The following DBF4B variants were observed in gnomAD, a reference collection of about 807,000 sequenced individuals.
DBF4B encodes DBF4B-CDC7 kinase regulatory subunit.
A neutral mutation model predicts 53.4 loss-of-function variants in DBF4B; 49 were observed. The observed-to-expected ratio is 0.92, with a 90% CI of 0.73 to 1.16. The LOEUF (loss-of-function observed/expected upper bound fraction) is 1.16. Among genes scored for constraint, DBF4B ranks in the 50% most tolerant of loss-of-function variants. The probability of loss-of-function intolerance (pLI) is 0.00; values close to 1 mark genes in which losing one functional copy is unlikely to be tolerated. For synonymous variants in DBF4B, 257 were observed against 288.7 expected (o/e 0.89, Z 1.11); for missense variants, 692 against 775.0 (o/e 0.89, Z 1.27).
intron 3 of DBF4B, among the ~76,000 whole-genome samples, chr17:44,729,683 TACACACACACACACACACAC>T (rs71361592): frequency 1.8e-4 from 25 of 138,256 alleles, no homozygotes; most frequent in South Asian, 7.0e-4. Flanking sequence ...GTAATACACA[TACACACACACACACACACAC>T]ACACACACAC....
In DBF4B at chr17:44,741,376, G is replaced by C. The variant is rs1976005145; in HGVS notation, c.754G>C (p.Glu252Gln). The change falls in exon 10 of 14, where the codon GAA becomes CAA. Residue 252 changes from glutamate (E) to glutamine (Q), a missense_variant. By Grantham distance (29) the Glu-to-Gln change is conservative (BLOSUM62 2). Transcript: ENST00000315005. ...PFHHQFKSFPEISFLGPKDAS... is the reference protein window; with the variant it reads ...PFHHQFKSFPQISFLGPKDAS... Reference sequence around the variant, plus strand: ...CCATCATCAGTTTAAATCCTTTCCTGAAATTTCTTTTCTTGGACCCAAAGA... The same window carrying C: ...CCATCATCAGTTTAAATCCTTTCCTCAAATTTCTTTTCTTGGACCCAAAGA... The C allele has an allele frequency of 6.2e-7, 1 of 1,613,496 alleles. No homozygotes were observed. Among genetic ancestry groups the C allele is most frequent in the African/African-American group, 1.3e-5 (1 of 74,900 alleles).
chr17:44,716,112 C>A (rs1973319297), intron 2 of DBF4B, among the ~76,000 whole-genome samples: 1 of 152,032 alleles, frequency 6.6e-6, no homozygotes, highest in Non-Finnish European at 1.5e-5. Context: ...ACGTGAGCCA[C>A]CACACCCAGT....
intron 7 of DBF4B, among the ~76,000 whole-genome samples, chr17:44,734,504 T>A (rs1025629467): frequency 4.6e-5 from 7 of 152,200 alleles, no homozygotes; most frequent in African/African-American, 1.7e-4. Flanking sequence ...TCTGGAACTT[T>A]CCCTGTACAG....
chr17:44,713,930 T>G (rs1423509607), intron 2 of DBF4B, among the ~76,000 whole-genome samples: 1 of 151,534 alleles, frequency 6.6e-6, no homozygotes, highest in Non-Finnish European at 1.5e-5. Flanking sequence ...TTTGCCTCTT[T>G]CCTGTGTTGG....
chr17:44,751,029 G>A lies in DBF4B; in HGVS notation c.1624G>A (p.Gly542Arg). The change falls in exon 14 of 14, where the codon GGA becomes AGA. Residue 542 changes from glycine to arginine, a missense_variant. This residue lies in a region of DBF4B where 597 missense variants were observed against 665.8 expected (regional missense o/e 0.90). Coordinates refer to ENST00000315005, the MANE Select transcript of DBF4B (RefSeq NM_145663.3). The part of the protein sequence containing the change: ...EVSPCPCLRL[G>R]YLYLLLTQSL... ...TTCCCCTTGCCCCTGTCTCAGACTT[G>A]GATACCTTTACCTGCTGCTCACACA... The A allele has an allele frequency of 6.2e-7, 1 of 1,614,034 alleles. No homozygotes were observed. The highest frequency in any genetic ancestry group is 8.5e-7 in the Non-Finnish European group (1 of 1,179,978).
chr17:44,743,847 A>G (rs1168940781), intron 10 of DBF4B, among the ~76,000 whole-genome samples: 1 of 151,374 alleles, frequency 6.6e-6, no homozygotes, highest in African/African-American at 2.4e-5. Flanking sequence ...TGACCTCGTG[A>G]TCCACCCACC....
At position 44,751,650 on chromosome 17, in the gene DBF4B, G is replaced by A; in HGVS notation, c.*397G>A. The A allele has an allele frequency of 7.2e-7, 1 of 1,384,144 alleles. No individual in the cohort carries two copies. The highest frequency in any genetic ancestry group is 9.3e-7 in the Non-Finnish European group (1 of 1,069,852). 85.7% of individuals were successfully genotyped at this position (1,384,144 alleles called of 1,614,324 possible). ...AGTAAATCGACTTCAAATACTTGAA[G>A]GCTCCCACCTTCTGTTCTCTGGCTC... On this transcript the variant is annotated 3_prime_UTR_variant, in exon 14 of 14. Transcript: ENST00000315005.
At chr17:44,750,360 T>C in intron 13 of DBF4B, 1 of 1,346,606 alleles carries the variant, frequency 7.4e-7, no homozygotes, top group Non-Finnish European at 9.5e-7. Flanking sequence ...CCTGATGCTA[T>C]TCTGTGTCTC....
intron 6 of DBF4B, among the ~76,000 whole-genome samples, chr17:44,733,203 T>C (rs943058838): frequency 6.6e-6 from 1 of 151,998 alleles, no homozygotes; most frequent in Admixed American, 6.6e-5. Context: ...CTAACAGGTA[T>C]TGACTCTGTG....
intron 6 of DBF4B, among the ~76,000 whole-genome samples, chr17:44,733,219 A>C (rs940227416): frequency 6.6e-6 from 1 of 152,102 alleles, no homozygotes; most frequent in African/African-American, 2.4e-5. Flanking sequence ...CTGTGCTACG[A>C]ATTACCTCAT....
At chr17:44,726,725 C>G (rs936100546) in intron 3 of DBF4B, among the ~76,000 whole-genome samples, 3 of 152,104 alleles carry the variant, frequency 2.0e-5, no homozygotes, top group African/African-American at 7.2e-5. Context: ...CATTTAGACT[C>G]TTAATAATTT....
At chr17:44,732,424 A>G in intron 6 of DBF4B, 159 bp downstream of exon 6, 1 of 811,762 alleles carries the variant, frequency 1.2e-6, no homozygotes. Flanking sequence ...GATGTGGGGA[A>G]GGGGGAAAGC....
chr17:44,732,123 A>C lies in DBF4B; in HGVS notation c.469-55A>C. 8.9e-6 allele frequency: 14 copies of C among 1,579,658 alleles called. 1 individual carries two copies. In the South Asian group the frequency reaches 1.5e-4, roughly 17 times the overall value. ...GAAGCAATTTCTATCTGTCCCCTTC[A>C]CTTTCAGGCCTTGGGGAGTCTCTGC... On this transcript the variant is annotated intron_variant, in intron 5 of 13. Transcript: ENST00000315005.
intron 2 of DBF4B, 109 bp from the exon 3 acceptor site, chr17:44,722,771 G>A (rs576267577): frequency 3.2e-6 from 4 of 1,263,464 alleles, no homozygotes; most frequent in Non-Finnish European, 4.4e-6. Context: ...TGTGCCCAGG[G>A]TCTAGTCTGT....
At chr17:44,748,546 A>C in intron 13 of DBF4B, 81 bp downstream of exon 13, 1 of 1,593,970 alleles carries the variant, frequency 6.3e-7, no homozygotes, top group Non-Finnish European at 8.6e-7. Flanking sequence ...ACCTGGACCT[A>C]TAGCAAGCTG....
In DBF4B at chr17:44,711,811, C is replaced by T. The variant is rs183754040; in HGVS notation, c.82+2445C>T. Among the ~76,000 whole-genome samples the T allele has an allele frequency of 5.6e-3, 853 of 152,186 alleles. 7 individuals are homozygous for T. Among genetic ancestry groups the T allele is most frequent in the Middle Eastern group, 0.02 (6 of 294 alleles). On this transcript the variant is annotated intron_variant, in intron 2 of 13. Transcript: ENST00000315005. ...ATTAGCCGGGCGTGGTGGCAGGCACCTGTAGTCCCAGCTACTCGGGAGGCT... is the reference window on the plus strand; with the variant it reads ...ATTAGCCGGGCGTGGTGGCAGGCACTTGTAGTCCCAGCTACTCGGGAGGCT...
intron 8 of DBF4B, 148 bp from the exon 9 acceptor site, chr17:44,738,231 G>C: frequency 1.3e-6 from 1 of 772,222 alleles, no homozygotes; most frequent in Non-Finnish European, 2.0e-6. Flanking sequence ...AGTGAATGGA[G>C]AGCGCAGCCT....
intron 2 of DBF4B, among the ~76,000 whole-genome samples, chr17:44,711,989 T>C (rs530359395): frequency 6.4e-4 from 96 of 150,330 alleles, no homozygotes; most frequent in African/African-American, 2.3e-3. Flanking sequence ...CCCAGCTACT[T>C]GGGAGGCTGA....
At chr17:44,747,579 A>G in intron 12 of DBF4B, 64 bp downstream of exon 12, 1 of 1,589,218 alleles carries the variant, frequency 6.3e-7, no homozygotes, top group Non-Finnish European at 8.6e-7. Context: ...CTGGGTGGGA[A>G]GAGACCCTCA....
Sources: gnomAD v4.1 joint callset for allele counts (sites outside exome capture counted in the v4.1 genomes callset) on GRCh38, gnomAD v4.1.1 for gene constraint, gnomAD v4.1.1 regional missense constraint, MANE v1.5 for transcripts, NCBI Gene and HGNC (gene_info 2026-07-23, HGNC 2026-07-21) for gene names.